FRMD4A: variants seen among roughly 807,000 people sequenced by gnomAD.
FRMD4A encodes FERM domain containing 4A.
In FRMD4A, 29 loss-of-function variants were observed where a neutral mutation model predicts 129.1. That is an observed-to-expected ratio of 0.22 (90% CI 0.17 to 0.31). The LOEUF (loss-of-function observed/expected upper bound fraction) is 0.31. Among genes scored for constraint, FRMD4A ranks in the 10% least tolerant of loss-of-function variants. The probability of loss-of-function intolerance (pLI) is 1.00; values close to 1 mark genes in which losing one functional copy is unlikely to be tolerated. For synonymous variants in FRMD4A, 634 were observed against 571.6 expected (o/e 1.11, Z -1.56); for missense variants, 1,272 against 1,375.8 (o/e 0.92, Z 1.19).
chr10:14,251,381 G>A (rs1037746409), intron 2 of FRMD4A, among the ~76,000 whole-genome samples: 4 of 152,150 alleles, frequency 2.6e-5, no homozygotes, highest in Non-Finnish European at 4.4e-5. Flanking sequence ...AGTGCTGAAC[G>A]TAGGCCTACC....
At chr10:13,985,081 G>C (rs2095576196) in intron 2 of FRMD4A, among the ~76,000 whole-genome samples, 1 of 152,246 alleles carries the variant, frequency 6.6e-6, no homozygotes, top group African/African-American at 2.4e-5. Context: ...CTGCTGGTGT[G>C]GGCTTCAGGT....
At chr10:14,080,135 C>A (rs1331333170) in intron 2 of FRMD4A, among the ~76,000 whole-genome samples, 4 of 152,266 alleles carry the variant, frequency 2.6e-5, no homozygotes, top group Non-Finnish European at 5.9e-5. Flanking sequence ...GCAGCAATGG[C>A]TAGTGGGCCA....
At chr10:14,141,646 T>C (rs1189978507) in intron 2 of FRMD4A, among the ~76,000 whole-genome samples, 1 of 152,000 alleles carries the variant, frequency 6.6e-6, no homozygotes, top group Non-Finnish European at 1.5e-5. Context: ...CTCAGAGGCC[T>C]TTTCCCCTGT....
intron 2 of FRMD4A, among the ~76,000 whole-genome samples, chr10:14,117,834 G>A (rs1564308360): frequency 6.6e-6 from 1 of 152,196 alleles, no homozygotes; most frequent in African/African-American, 2.4e-5. Flanking sequence ...CCTTGTGAGT[G>A]TAGGTCCTCC....
chr10:14,048,187 G>T (rs1424648315), intron 2 of FRMD4A, among the ~76,000 whole-genome samples: 1 of 152,194 alleles, frequency 6.6e-6, no homozygotes, highest in African/African-American at 2.4e-5. Flanking sequence ...TGATTCCACT[G>T]CCCTGAAGAT....
Position 13,666,294 on chromosome 10 carries a change from A to G in FRMD4A, c.1406T>C (p.Phe469Ser), listed in dbSNP as rs774462244. 6 of 1,613,886 alleles carry G rather than the reference A, an allele frequency of 3.7e-6. No homozygotes were observed. The highest frequency in any genetic ancestry group is 5.1e-6 in the Non-Finnish European group (6 of 1,179,938). ...CTCCGTAATCTGGGACTGAATGGCA[A>G]ACTCTCGTTCCAGGCGTTCCAGCTC... ...EAELERLEREFAIQSQITEAA... is the reference protein window; with the variant it reads ...EAELERLERESAIQSQITEAA... The change falls in exon 18 of 25, where the codon TTT becomes TCT. Residue 469 changes from phenylalanine to serine, a missense_variant. Around this residue, in one of 2 missense-constraint regions of FRMD4A, gnomAD observed 972 missense variants for 892.3 expected, o/e 1.09. Coordinates refer to ENST00000357447, the MANE Select transcript of FRMD4A (RefSeq NM_018027.5).
chr10:13,965,464 T>C (rs1327550250), intron 2 of FRMD4A, among the ~76,000 whole-genome samples: 2 of 152,188 alleles, frequency 1.3e-5, no homozygotes, highest in East Asian at 3.8e-4. Context: ...GTTCCCACTG[T>C]CAGGAGTATA....
chr10:14,153,206 A>G (rs898679101), intron 2 of FRMD4A, among the ~76,000 whole-genome samples: 1 of 152,242 alleles, frequency 6.6e-6, no homozygotes, highest in East Asian at 1.9e-4. Context: ...GTGAGGGCTT[A>G]GATTCAAACG....
chr10:14,208,650 T>A (rs1258563039), intron 2 of FRMD4A, among the ~76,000 whole-genome samples: 1 of 152,012 alleles, frequency 6.6e-6, no homozygotes, highest in African/African-American at 2.4e-5. Flanking sequence ...GCCTACAGGC[T>A]TGGAATGTCA....
At chr10:14,123,144 A>G (rs903601947) in intron 2 of FRMD4A, among the ~76,000 whole-genome samples, 1 of 152,230 alleles carries the variant, frequency 6.6e-6, no homozygotes, top group South Asian at 2.1e-4. Flanking sequence ...AAAACAAAAC[A>G]AAACTAAAAC....
At chr10:13,859,168 A>G (rs1486065619) in intron 2 of FRMD4A, among the ~76,000 whole-genome samples, 1 of 152,208 alleles carries the variant, frequency 6.6e-6, no homozygotes, top group Non-Finnish European at 1.5e-5. Context: ...ACCTGAGGTC[A>G]GGAGTTTGAG....
intron 2 of FRMD4A, among the ~76,000 whole-genome samples, chr10:13,998,142 G>A (rs2095629503): frequency 1.3e-5 from 2 of 152,234 alleles, no homozygotes; most frequent in South Asian, 2.1e-4. Flanking sequence ...CCAGTGTGCT[G>A]ACAATTTTCT....
chr10:13,765,955 C>A (rs1442367569), intron 6 of FRMD4A, among the ~76,000 whole-genome samples: 1 of 152,160 alleles, frequency 6.6e-6, no homozygotes, highest in African/African-American at 2.4e-5. Flanking sequence ...TGGTCGACTG[C>A]GGGCTAATAT....
At chr10:13,745,360 C>T (rs1396441730) in intron 9 of FRMD4A, among the ~76,000 whole-genome samples, 2 of 152,110 alleles carry the variant, frequency 1.3e-5, no homozygotes, top group South Asian at 2.1e-4. Flanking sequence ...TTTTATACAT[C>T]GTCTGGGCTG....
At chr10:13,980,559 A>G (rs1336990512) in intron 2 of FRMD4A, among the ~76,000 whole-genome samples, 1 of 152,002 alleles carries the variant, frequency 6.6e-6, no homozygotes, top group African/African-American at 2.4e-5. Flanking sequence ...GAAAGACCCC[A>G]TCTCTACAAA....
intron 9 of FRMD4A, among the ~76,000 whole-genome samples, chr10:13,745,931 C>T (rs1299790336): frequency 6.6e-6 from 1 of 152,142 alleles, no homozygotes; most frequent in South Asian, 2.1e-4. Context: ...ACGGGACCAT[C>T]ATTTTTGGGG....
In FRMD4A at chr10:13,657,342, C is replaced by G. The variant is rs762101517; in HGVS notation, c.2247G>C (p.Ser749=). ...NGSDPMDDCS[S]CTSHSSSEHY... ...GCTCCGAGCTCGAGTGGCTGGTGCA[C>G]GACGAGCAGTCGTCCATGGGGTCTG... The change falls in exon 22 of 25, where the codon TCG becomes TCC. Residue 749 remains serine (S), a synonymous_variant. Coordinates refer to ENST00000357447, the MANE Select transcript of FRMD4A (RefSeq NM_018027.5). 2 of 1,608,526 alleles carry G rather than the reference C, an allele frequency of 1.2e-6. No individual in the cohort carries two copies. Among genetic ancestry groups the G allele is most frequent in the African/African-American group, 2.7e-5 (2 of 74,880 alleles).
In FRMD4A at chr10:13,998,830, C is replaced by T. The variant is rs180824183; in HGVS notation, c.46-139918G>A. 2.6e-4 allele frequency among the ~76,000 whole-genome samples: 39 copies of T among 152,338 alleles called. 1 individual carries two copies. The highest frequency in any genetic ancestry group is 1.2e-3 in the Admixed American group (19 of 15,298). ...ATTGTACTAGTAACCTCATGCAACA[C>T]CCTGATTCCAGCCTTCTTCTCTATC... is the stretch of plus-strand genomic sequence containing the variant. On this transcript the variant is annotated intron_variant, in intron 2 of 24. Transcript: ENST00000357447.
chr10:13,826,509 A>T (rs2093703299), intron 3 of FRMD4A, among the ~76,000 whole-genome samples: 1 of 152,140 alleles, frequency 6.6e-6, no homozygotes, highest in East Asian at 1.9e-4. Context: ...TTTATTGGCC[A>T]GAAGAAAAAG....
Sources: allele counts gnomAD v4.1 joint callset (sites outside exome capture counted in the v4.1 genomes callset), GRCh38; gene constraint gnomAD v4.1.1; regional missense constraint gnomAD v4.1.1; transcripts MANE v1.5; gene names NCBI Gene and HGNC (gene_info 2026-07-23, HGNC 2026-07-21).